PPM1L: variants seen among roughly 807,000 people sequenced by gnomAD.
PPM1L encodes protein phosphatase, Mg2+/Mn2+ dependent 1L, also known as protein phosphatase 1L.
In PPM1L, 13 loss-of-function variants were observed where a neutral mutation model predicts 31.4. That is an observed-to-expected ratio of 0.41 (90% CI 0.27 to 0.66). The LOEUF is 0.66. Among genes scored for constraint, PPM1L ranks in the 30% least tolerant of loss-of-function variants. The pLI, the probability that PPM1L is intolerant of heterozygous loss-of-function variation, is 0.29. For synonymous variants in PPM1L, 184 were observed against 175.4 expected (o/e 1.05, Z -0.39); for missense variants, 326 against 453.7 (o/e 0.72, Z 2.56).
intron 2 of PPM1L, among the ~76,000 whole-genome samples, chr3:161,051,670 A>G (rs973701955): frequency 6.6e-6 from 1 of 152,172 alleles, no homozygotes; most frequent in Admixed American, 6.5e-5. Context: ...TAATAATATT[A>G]TTGGATCAAA....
chr3:160,914,124 A>G (rs1714072130), intron 1 of PPM1L, among the ~76,000 whole-genome samples: 1 of 152,106 alleles, frequency 6.6e-6, no homozygotes, highest in Non-Finnish European at 1.5e-5. Flanking sequence ...AATTTTAGTC[A>G]TTCTAATAGG....
At chr3:160,772,156 C>G (rs940043287) in intron 1 of PPM1L, among the ~76,000 whole-genome samples, 1 of 152,148 alleles carries the variant, frequency 6.6e-6, no homozygotes, top group Non-Finnish European at 1.5e-5. Context: ...GGGTAAAGAA[C>G]TGGGATCCCG....
intron 1 of PPM1L, among the ~76,000 whole-genome samples, chr3:160,877,804 ATCT>A (rs1368265543): frequency 2.0e-5 from 3 of 152,152 alleles, no homozygotes; most frequent in African/African-American, 4.8e-5. Context: ...CCCCACCCTA[ATCT>A]TCTTATTAAG....
chr3:160,940,758 G>T (rs771326404), intron 1 of PPM1L, among the ~76,000 whole-genome samples: 2 of 152,234 alleles, frequency 1.3e-5, no homozygotes, highest in Non-Finnish European at 2.9e-5. Context: ...CTAGGGCAGT[G>T]TGGAAGGGAA....
chr3:161,007,711 ATTC>A lies in PPM1L; in HGVS notation c.574+45808_574+45810del, dbSNP rs1361173071. On this transcript the variant is annotated intron_variant, in intron 2 of 3. Transcript: ENST00000498165. Reference sequence around the variant, plus strand: ...TGTATTTTATGTGTGGCCCCAGACAATTCTTCTTCCTGTGTGGCCCAGGGAAGC... The same window carrying A: ...TGTATTTTATGTGTGGCCCCAGACAATTCTTCCTGTGTGGCCCAGGGAAGC... Among the ~76,000 whole-genome samples, 95 of 152,156 alleles carry A rather than the reference ATTC, an allele frequency of 6.2e-4. 1 individual carries two copies. The highest frequency in any genetic ancestry group is 1.2e-3 in the East Asian group (6 of 5,170).
intron 1 of PPM1L, among the ~76,000 whole-genome samples, chr3:160,790,267 A>C (rs898342289): frequency 2.6e-5 from 4 of 152,120 alleles, no homozygotes; most frequent in African/African-American, 9.7e-5. Context: ...ATTTGACATT[A>C]ATTTTGTTTG....
intron 1 of PPM1L, among the ~76,000 whole-genome samples, chr3:160,850,261 G>C (rs559564867): frequency 6.6e-6 from 1 of 152,312 alleles, no homozygotes; most frequent in Admixed American, 6.5e-5. Flanking sequence ...CATAGAGCAA[G>C]GTCCAGGGGA....
chr3:161,055,211 T>C (rs1294868942), intron 2 of PPM1L, among the ~76,000 whole-genome samples: 2 of 152,168 alleles, frequency 1.3e-5, no homozygotes, highest in Non-Finnish European at 2.9e-5. Flanking sequence ...CAAGTCTTTC[T>C]ATGCCATGGC....
intron 1 of PPM1L, among the ~76,000 whole-genome samples, chr3:160,890,686 A>G (rs1402998075): frequency 6.6e-6 from 1 of 152,202 alleles, no homozygotes; most frequent in Non-Finnish European, 1.5e-5. Context: ...CCTAAGCAAA[A>G]AGAACAACCT....
chr3:160,776,494 G>A (rs755117910), intron 1 of PPM1L, among the ~76,000 whole-genome samples: 4 of 152,112 alleles, frequency 2.6e-5, no homozygotes, highest in African/African-American at 4.8e-5. Context: ...AAATTGAGTA[G>A]GAGTTATGGC....
chr3:161,037,577 G>A (rs1192948500), intron 2 of PPM1L, among the ~76,000 whole-genome samples: 1 of 138,612 alleles, frequency 7.2e-6, no homozygotes, highest in Admixed American at 7.5e-5. Flanking sequence ...ACCATGCCCG[G>A]CTAATTTTTT....
chr3:160,775,192 C>T (rs755864090), intron 1 of PPM1L, among the ~76,000 whole-genome samples: 11 of 152,170 alleles, frequency 7.2e-5, no homozygotes, highest in Non-Finnish European at 1.0e-4. Context: ...GGTTATACAA[C>T]GGCTAAATGG....
chr3:160,841,134 A>G (rs1713866553), intron 1 of PPM1L, among the ~76,000 whole-genome samples: 1 of 151,948 alleles, frequency 6.6e-6, no homozygotes, highest in South Asian at 2.1e-4. Context: ...TTGGATGTAC[A>G]TATTGTGAGT....
intron 1 of PPM1L, among the ~76,000 whole-genome samples, chr3:160,934,154 A>C (rs1429968609): frequency 6.6e-6 from 1 of 152,242 alleles, no homozygotes; most frequent in African/African-American, 2.4e-5. Context: ...GCTGTGTTCA[A>C]AAAGAATGCC....
At chr3:160,815,186 A>C (rs1712958517) in intron 1 of PPM1L, among the ~76,000 whole-genome samples, 1 of 152,188 alleles carries the variant, frequency 6.6e-6, no homozygotes, top group African/African-American at 2.4e-5. Flanking sequence ...GAGAGAAAAA[A>C]GTGAGGGACT....
chr3:161,065,357 A>C (rs1159581389), intron 2 of PPM1L, 46 bp from the exon 3 acceptor site: 1 of 1,583,154 alleles, frequency 6.3e-7, no homozygotes, highest in South Asian at 1.1e-5. Context: ...ATGGAACCTG[A>C]ATGCACTGCT....
intron 1 of PPM1L, among the ~76,000 whole-genome samples, chr3:160,794,878 G>A (rs1712204635): frequency 1.3e-5 from 2 of 152,286 alleles, no homozygotes; most frequent in Non-Finnish European, 2.9e-5. Flanking sequence ...TGTGGCCCAC[G>A]GGTAGAGGGT....
chr3:160,996,794 T>C (rs1717340654), intron 2 of PPM1L, among the ~76,000 whole-genome samples: 1 of 152,106 alleles, frequency 6.6e-6, no homozygotes, highest in South Asian at 2.1e-4. Context: ...TCATAAAAAA[T>C]ATTTTAAAAA....
At chr3:160,794,784 A>G (rs947077302) in intron 1 of PPM1L, among the ~76,000 whole-genome samples, 1 of 152,182 alleles carries the variant, frequency 6.6e-6, no homozygotes, top group Non-Finnish European at 1.5e-5. Flanking sequence ...TGAGCTTAAA[A>G]AAAATCGCAA....
Sources: allele counts gnomAD v4.1 joint callset (sites outside exome capture counted in the v4.1 genomes callset), GRCh38; gene constraint gnomAD v4.1.1; transcripts MANE v1.5; gene names NCBI Gene and HGNC (gene_info 2026-07-23, HGNC 2026-07-21).